The following ATP9B variants were observed in gnomAD, a reference collection of about 807,000 sequenced individuals.
The protein encoded by ATP9B is probable phospholipid-transporting ATPase IIB.
In ATP9B, 110 loss-of-function variants were observed where a neutral mutation model predicts 146.1. The ratio of observed to expected loss-of-function variants is 0.75; its 90% CI spans 0.65 to 0.88. ATP9B has a LOEUF of 0.88. ATP9B is among the 40% of genes least tolerant of loss of function. The pLI is 0.00. For synonymous variants in ATP9B, 604 were observed against 569.7 expected (o/e 1.06, Z -0.86); for missense variants, 1,499 against 1,496.4 (o/e 1.00, Z -0.03).
chr18:79,223,296 G>T (rs577880937), intron 11 of ATP9B, among the ~76,000 whole-genome samples: 2 of 152,054 alleles, frequency 1.3e-5, no homozygotes, highest in South Asian at 4.1e-4. Flanking sequence ...TATTTTAAAA[G>T]TTATATTGAT....
chr18:79,293,331 C>T (rs2096525323), intron 13 of ATP9B, among the ~76,000 whole-genome samples: 1 of 151,870 alleles, frequency 6.6e-6, no homozygotes, highest in South Asian at 2.1e-4. Context: ...AAATGTCATC[C>T]CCAGTGTGAC....
chr18:79,268,438 C>A (rs540779440), intron 12 of ATP9B, among the ~76,000 whole-genome samples: 5 of 151,880 alleles, frequency 3.3e-5, no homozygotes, highest in Non-Finnish European at 7.4e-5. Flanking sequence ...TCCTTTCTTG[C>A]CATTTTATTA....
intron 17 of ATP9B, among the ~76,000 whole-genome samples, chr18:79,335,438 C>G (rs1417961950): frequency 1.3e-5 from 2 of 152,252 alleles, no homozygotes; most frequent in African/African-American, 2.4e-5. Flanking sequence ...AACTGTTGCA[C>G]TTTTACCTCT....
intron 6 of ATP9B, among the ~76,000 whole-genome samples, chr18:79,144,501 C>T (rs908326178): frequency 3.3e-5 from 5 of 152,136 alleles, no homozygotes; most frequent in African/African-American, 1.2e-4. Flanking sequence ...GTGTGCAGTT[C>T]ACAATAGGGC....
intron 14 of ATP9B, among the ~76,000 whole-genome samples, chr18:79,304,359 T>C (rs1360502760): frequency 6.6e-6 from 1 of 152,230 alleles, no homozygotes; most frequent in East Asian, 1.9e-4. Flanking sequence ...AGGTTGAGTA[T>C]CCCTTATTCA....
At chr18:79,142,565 TG>T (rs2094526986) in intron 5 of ATP9B, among the ~76,000 whole-genome samples, 1 of 152,010 alleles carries the variant, frequency 6.6e-6, no homozygotes, top group South Asian at 2.1e-4. Flanking sequence ...AGCATAGCAG[TG>T]GGGGAGGAGG....
At chr18:79,215,147 C>CAA (rs11444921) in intron 11 of ATP9B, among the ~76,000 whole-genome samples, 23,245 of 115,372 alleles carry the variant, frequency 0.2, 2,325 homozygotes, top group Admixed American at 0.23. Flanking sequence ...GATTCTGTCT[C>CAA]AAAAAAAAAA....
intron 1 of ATP9B, among the ~76,000 whole-genome samples, chr18:79,079,052 A>G (rs1487039320): frequency 6.6e-6 from 1 of 152,132 alleles, no homozygotes; most frequent in African/African-American, 2.4e-5. Flanking sequence ...TTCTTTATCC[A>G]GTCTGTCATT....
chr18:79,071,381 C>T (rs1426536365), intron 1 of ATP9B, among the ~76,000 whole-genome samples: 2 of 83,638 alleles, frequency 2.4e-5, no homozygotes, highest in East Asian at 6.0e-4. Flanking sequence ...CATATTTCCC[C>T]TTTTTCTATT....
chr18:79,309,545 G>A (rs2096640559), intron 15 of ATP9B, among the ~76,000 whole-genome samples: 1 of 123,764 alleles, frequency 8.1e-6, no homozygotes, highest in Non-Finnish European at 1.8e-5. Flanking sequence ...GGGTGGTGGA[G>A]TGATCCCCAG....
intron 5 of ATP9B, among the ~76,000 whole-genome samples, chr18:79,130,865 G>C (rs1174832272): frequency 6.6e-6 from 1 of 152,200 alleles, no homozygotes; most frequent in Non-Finnish European, 1.5e-5. Context: ...CTGTCATTCA[G>C]AAATGAAGAA....
At chr18:79,170,067 T>C (rs1413667510) in intron 7 of ATP9B, among the ~76,000 whole-genome samples, 1 of 152,232 alleles carries the variant, frequency 6.6e-6, no homozygotes, top group East Asian at 1.9e-4. Flanking sequence ...GCAAGCTGAC[T>C]GAGCTCAGAC....
chr18:79,295,644 G>A (rs957357542), intron 13 of ATP9B, among the ~76,000 whole-genome samples: 9 of 152,186 alleles, frequency 5.9e-5, no homozygotes, highest in Non-Finnish European at 8.8e-5. Flanking sequence ...CAGCAGATAC[G>A]TTACACTCAG....
chr18:79,325,220 C>A (rs1402871427), intron 15 of ATP9B, among the ~76,000 whole-genome samples: 1 of 152,176 alleles, frequency 6.6e-6, no homozygotes. Flanking sequence ...CAGATCACTT[C>A]TGCCCTCTGG....
At position 79,208,399 on chromosome 18, in the gene ATP9B, T is replaced by C. The variant is rs548063492; in HGVS notation, c.1030+1387T>C. On this transcript the variant is annotated intron_variant, in intron 10 of 29. Coordinates refer to ENST00000426216, the MANE Select transcript of ATP9B (RefSeq NM_198531.5). ...AGCATTCCTGCTAGCAGCCTAGTACTGAGAGACAGTACCTTGAAGAAAAGG... is the reference window on the plus strand; with the variant it reads ...AGCATTCCTGCTAGCAGCCTAGTACCGAGAGACAGTACCTTGAAGAAAAGG... Among the ~76,000 whole-genome samples, 6 of 152,274 alleles carry C rather than the reference T, an allele frequency of 3.9e-5. No individual in the cohort carries two copies. In the South Asian group the frequency reaches 1.2e-3, roughly 32 times the overall value.
chr18:79,320,348 C>T (rs1481262541), intron 15 of ATP9B, among the ~76,000 whole-genome samples: 2 of 152,124 alleles, frequency 1.3e-5, no homozygotes, highest in Non-Finnish European at 1.5e-5. Context: ...GCACACAGCA[C>T]TCTGATCAGG....
intron 15 of ATP9B, among the ~76,000 whole-genome samples, chr18:79,328,034 CCG>C (rs1415480338): frequency 2.7e-5 from 4 of 150,214 alleles, no homozygotes; most frequent in African/African-American, 4.9e-5. Flanking sequence ...AGCGTGCTCT[CCG>C]TGGTTAGCGT....
intron 23 of ATP9B, 139 bp from the exon 24 acceptor site, chr18:79,347,631 G>A: frequency 1.9e-6 from 2 of 1,031,270 alleles, no homozygotes; most frequent in East Asian, 2.7e-5. Flanking sequence ...TGTCCCCATC[G>A]ACGGAGCTGA....
chr18:79,248,595 G>A (rs965233032), intron 11 of ATP9B, among the ~76,000 whole-genome samples: 12 of 152,160 alleles, frequency 7.9e-5, no homozygotes, highest in Non-Finnish European at 5.9e-5. Flanking sequence ...TTTTCTGTAC[G>A]TAGTCAGCCA....
Sources: gnomAD v4.1 joint callset for allele counts (sites outside exome capture counted in the v4.1 genomes callset) on GRCh38, gnomAD v4.1.1 for gene constraint, MANE v1.5 for transcripts, NCBI Gene and HGNC (gene_info 2026-07-23, HGNC 2026-07-21) for gene names.